ALDH9A1: variants seen among roughly 807,000 people sequenced by gnomAD.
ALDH9A1 encodes 4-trimethylaminobutyraldehyde dehydrogenase.
A neutral mutation model predicts 56.6 loss-of-function variants in ALDH9A1; 42 were observed. The ratio of observed to expected loss-of-function variants is 0.74; its 90% CI spans 0.58 to 0.96. The LOEUF (loss-of-function observed/expected upper bound fraction) is 0.96, where lower values mean the gene tolerates loss of function less well. Among genes scored for constraint, ALDH9A1 ranks in the 40% least tolerant of loss-of-function variants. The pLI is 0.00. For missense variants in ALDH9A1, 661 were observed against 651.5 expected (o/e 1.01, Z -0.16); for synonymous variants, 242 against 236.0 (o/e 1.03, Z -0.23).
Position 165,679,461 on chromosome 1 carries a change from T to C in ALDH9A1, c.911A>G (p.Asn304Ser), listed in dbSNP as rs1558007280. 3.1e-6 allele frequency: 5 copies of C among 1,614,138 alleles called. No individual in the cohort carries two copies. Among genetic ancestry groups the C allele is most frequent in the East Asian group, 2.2e-5 (1 of 44,878 alleles). Residue 304 changes from asparagine (N) to serine (S), a missense_variant, in exon 6 of 11, where the codon AAC becomes AGC. By Grantham distance (46) the Asn-to-Ser change is conservative. Coordinates refer to ENST00000354775, the MANE Select transcript of ALDH9A1 (RefSeq NM_000696.4). ...NNAVKGALMA[N>S]FLTQGQVCCN... ...ACATACCTGGCCTTGTGTGAGGAAG[T>C]TGGCCATCAGCGCCCCCTTTACAGC...
chr1:165,687,466 G>C (rs563435221), intron 2 of ALDH9A1, among the ~76,000 whole-genome samples: 2 of 151,976 alleles, frequency 1.3e-5, no homozygotes, highest in African/African-American at 4.8e-5. Context: ...TATTAAAACA[G>C]CCAGGGGTGG....
At chr1:165,674,685 CAAAA>C (rs36011778) in intron 6 of ALDH9A1, among the ~76,000 whole-genome samples, 2 of 115,554 alleles carry the variant, frequency 1.7e-5, no homozygotes. Context: ...GACTCCGAAT[CAAAA>C]AAAAAAAAAA....
chr1:165,662,365 A>AT lies in ALDH9A1; in HGVS notation c.*684_*685insA, dbSNP rs1209030049. 7 of 152,428 alleles carry AT rather than the reference A, an allele frequency of 4.6e-5. No individual in the cohort carries two copies. In the East Asian group the frequency reaches 1.3e-3, roughly 29 times the overall value. 9.4% of individuals were successfully genotyped at this position (152,428 alleles called of 1,614,324 possible). On this transcript the variant is annotated 3_prime_UTR_variant, in exon 11 of 11. Transcript: ENST00000354775. ...GGAGATAGATTTCCTCTATCGCAGT[A>AT]GTGAACAGAGACAAAGTGCTTACTA...
At chr1:165,690,799 TG>T (rs896803750) in intron 2 of ALDH9A1, among the ~76,000 whole-genome samples, 5 of 152,086 alleles carry the variant, frequency 3.3e-5, no homozygotes, top group Non-Finnish European at 5.9e-5. Flanking sequence ...AAGGTGGCAG[TG>T]AAGCTGGGGG....
At chr1:165,687,091 A>G (rs1268731600) in intron 2 of ALDH9A1, among the ~76,000 whole-genome samples, 1 of 152,162 alleles carries the variant, frequency 6.6e-6, no homozygotes. Flanking sequence ...AGACCGATGA[A>G]CTTGAGTCAT....
rs3738191 is a variant in ALDH9A1, at chr1:165,664,969, G to A, written c.1462+49C>T. On this transcript the variant is annotated intron_variant, in intron 10 of 10. Transcript: ENST00000354775. The stretch of plus-strand genomic sequence containing the variant: ...TACTGGTTTATAAGGTCTGAATTAC[G>A]ACCTAGCTCTAGAGACCTAGTTTGC... The A allele has an allele frequency of 1.1e-5, 16 of 1,413,720 alleles. No homozygotes were observed. The East Asian group carries it at 1.4e-4, about 12-fold the overall frequency. The allele number at this position is 1,413,720 out of a possible 1,614,324, so 87.6% of individuals were successfully genotyped here.
chr1:165,673,119 AC>A (rs1252537725), intron 6 of ALDH9A1, among the ~76,000 whole-genome samples: 1 of 150,904 alleles, frequency 6.6e-6, no homozygotes, highest in East Asian at 1.9e-4. Flanking sequence ...AAAAAAAAAA[AC>A]CTCTGATTAC....
intron 1 of ALDH9A1, 23 bp from the exon 2 acceptor site, chr1:165,695,420 T>G (rs775522989): frequency 6.4e-7 from 1 of 1,560,744 alleles, no homozygotes; most frequent in Admixed American, 2.1e-5. Flanking sequence ...GAAACATCAG[T>G]TTTAACTCAA....
chr1:165,670,026 G>T (rs1649126715), intron 6 of ALDH9A1, among the ~76,000 whole-genome samples: 1 of 152,056 alleles, frequency 6.6e-6, no homozygotes, highest in Admixed American at 6.6e-5. Context: ...GGACAGAGAT[G>T]AACTAAATAA....
chr1:165,680,792 C>A, intron 4 of ALDH9A1, 109 bp from the exon 5 acceptor site: 2 of 1,043,450 alleles, frequency 1.9e-6, no homozygotes, highest in Non-Finnish European at 1.4e-6. Context: ...TCCTCTTCCC[C>A]AACCAAATCC....
At chr1:165,679,090 A>G (rs1461477943) in intron 6 of ALDH9A1, among the ~76,000 whole-genome samples, 1 of 152,210 alleles carries the variant, frequency 6.6e-6, no homozygotes, top group Non-Finnish European at 1.5e-5. Flanking sequence ...TACTATATCA[A>G]TGTTAATTTT....
In ALDH9A1 at chr1:165,690,771, G is replaced by A. The variant is rs1040730720; in HGVS notation, c.327+4481C>T. On this transcript the variant is annotated intron_variant, in intron 2 of 10. Transcript: ENST00000354775. ...AGCTTTGCTCACTGCTATAACAGCA[G>A]TCCAAGATGGAACTGCGAAGGTGGC... 3.3e-5 allele frequency among the ~76,000 whole-genome samples: 5 copies of A among 152,210 alleles called. No individual in the cohort carries two copies. The East Asian group carries it at 9.6e-4, about 29-fold the overall frequency.
intron 6 of ALDH9A1, among the ~76,000 whole-genome samples, chr1:165,678,630 T>A (rs192896010): frequency 3.9e-5 from 6 of 152,292 alleles, no homozygotes; most frequent in Admixed American, 3.9e-4. Flanking sequence ...AGGAACAGGA[T>A]AGTCTCAAAA....
Position 165,663,007 on chromosome 1 carries a change from C to A in ALDH9A1, c.*43G>T. On this transcript the variant is annotated 3_prime_UTR_variant, in exon 11 of 11. Transcript: ENST00000354775. Reference sequence around the variant, plus strand: ...CTCTGTAAACAGGGCCAATTCACATCATTCCACAGCGTGGCCATGTCAATA... The same window carrying A: ...CTCTGTAAACAGGGCCAATTCACATAATTCCACAGCGTGGCCATGTCAATA... 1 of 1,542,532 alleles carries A rather than the reference C, an allele frequency of 6.5e-7. No individual in the cohort carries two copies. Among genetic ancestry groups the A allele is most frequent in the African/African-American group, 1.4e-5 (1 of 73,462 alleles).
At chr1:165,682,746 G>A in intron 3 of ALDH9A1, 1 of 457,864 alleles carries the variant, frequency 2.2e-6, no homozygotes, top group East Asian at 3.5e-5. Flanking sequence ...CAGGTATCAT[G>A]CTAGGTGCTT....
chr1:165,669,173 C>G, intron 7 of ALDH9A1, 89 bp downstream of exon 7: 2 of 1,366,962 alleles, frequency 1.5e-6, no homozygotes, highest in South Asian at 2.8e-5. Context: ...AATAGTCATA[C>G]GAATATTAAC....
Position 165,665,017 on chromosome 1 carries a change from C to T in ALDH9A1, c.1462+1G>A, listed in dbSNP as rs140134210. On this transcript the variant is annotated splice_donor_variant, in intron 10 of 10. Transcript: ENST00000354775. LOFTEE classifies it high-confidence loss of function. ...TGCATTCACACCTCCCAGCTCCTCACCTGACTTCTTATATCCACCAAAGGG... is the reference window on the plus strand; with the variant it reads ...TGCATTCACACCTCCCAGCTCCTCATCTGACTTCTTATATCCACCAAAGGG... The T allele has an allele frequency of 1.7e-5, 28 of 1,613,080 alleles. No individual in the cohort carries two copies. Among genetic ancestry groups the T allele is most frequent in the Admixed American group, 6.7e-5 (4 of 59,968 alleles).
Position 165,662,924 on chromosome 1 carries a change from C to T in ALDH9A1, c.*126G>A. On this transcript the variant is annotated 3_prime_UTR_variant, in exon 11 of 11. Coordinates refer to ENST00000354775, the MANE Select transcript of ALDH9A1 (RefSeq NM_000696.4). ...TGGAGAGAGAAAGAGTAACATGAAC[C>T]ATTCTCTTATACTGAACGCCAAAAT... 1 of 761,570 alleles carries T rather than the reference C, an allele frequency of 1.3e-6. No individual in the cohort carries two copies. Among genetic ancestry groups the T allele is most frequent in the African/African-American group, 1.7e-5 (1 of 58,490 alleles). The allele number at this position is 761,570 out of a possible 1,614,324, so 47.2% of individuals were successfully genotyped here.
intron 6 of ALDH9A1, among the ~76,000 whole-genome samples, chr1:165,670,845 G>A (rs1338634632): frequency 6.6e-6 from 1 of 152,232 alleles, no homozygotes; most frequent in African/African-American, 2.4e-5. Context: ...GCTGAGGCAG[G>A]TGGATCACTA....
Sources: allele counts gnomAD v4.1 joint callset (sites outside exome capture counted in the v4.1 genomes callset), GRCh38; gene constraint gnomAD v4.1.1; transcripts MANE v1.5; gene names NCBI Gene and HGNC (gene_info 2026-07-23, HGNC 2026-07-21).